The following CROT variants were observed in gnomAD, a reference collection of about 807,000 sequenced individuals.
CROT encodes the protein peroxisomal carnitine O-octanoyltransferase.
A neutral mutation model predicts 89.2 loss-of-function variants in CROT; 84 were observed. The observed-to-expected ratio is 0.94, with a 90% CI of 0.79 to 1.13. The LOEUF (loss-of-function observed/expected upper bound fraction) is 1.13, where lower values mean the gene tolerates loss of function less well. Ranked by LOEUF, CROT falls within the 50% of genes most tolerant of loss-of-function variation. The probability of loss-of-function intolerance (pLI) is 0.00; values close to 1 mark genes in which losing one functional copy is unlikely to be tolerated. For synonymous variants in CROT, 212 were observed against 239.5 expected, an observed-to-expected ratio of 0.89 and a Z score of 1.06; for missense variants, 711 against 727.8, an observed-to-expected ratio of 0.98 and a Z score of 0.27.
Position 87,370,205 on chromosome 7 carries a change from A to G in CROT, c.656+721A>G, listed in dbSNP as rs188301128. On this transcript the variant is annotated intron_variant, in intron 7 of 17. Coordinates refer to ENST00000331536, the MANE Select transcript of CROT (RefSeq NM_021151.4). ...TCTAAAAAATAATTTTTTTTTTGAG[A>G]CAGAGTCTTGCTTTGTGTCCAGGCT... 2.0e-5 allele frequency among the ~76,000 whole-genome samples: 3 copies of G among 152,044 alleles called. No homozygotes were observed. In the East Asian group the frequency reaches 5.8e-4, roughly 29 times the overall value.
chr7:87,385,383 C>A (rs1407018032), intron 13 of CROT, among the ~76,000 whole-genome samples: 2 of 151,834 alleles, frequency 1.3e-5, no homozygotes, highest in Non-Finnish European at 2.9e-5. Flanking sequence ...GTCTTATAGT[C>A]TTCCTTGTAT....
intron 13 of CROT, among the ~76,000 whole-genome samples, chr7:87,390,772 AGGTCAAG>A (rs1807333681): frequency 1.3e-5 from 2 of 152,218 alleles, no homozygotes; most frequent in Non-Finnish European, 2.9e-5. Context: ...GAGGCACTAA[AGGTCAAG>A]GACTCTGTAT....
In CROT at chr7:87,381,892, T is replaced by C. The variant is rs745522031; in HGVS notation, c.979-18T>C. The C allele has an allele frequency of 3.9e-6, 6 of 1,556,218 alleles. No individual in the cohort carries two copies. The Admixed American group carries it at 7.2e-5, about 19-fold the overall frequency. ...GTTGACATAAAGTATTCAGAAATCT[T>C]GTGTGTTCTCATTTTAGCATGCTCC... On this transcript the variant is annotated intron_variant, in intron 10 of 17. Coordinates refer to ENST00000331536, the MANE Select transcript of CROT (RefSeq NM_021151.4).
chr7:87,386,627 C>G (rs1807191087), intron 13 of CROT, among the ~76,000 whole-genome samples: 2 of 152,062 alleles, frequency 1.3e-5, no homozygotes, highest in South Asian at 4.1e-4. Context: ...TGTAAAAGTT[C>G]AGATTGCTTA....
rs191664222 is a variant in CROT, at chr7:87,370,271, A to T, written c.656+787A>T. On this transcript the variant is annotated intron_variant, in intron 7 of 17. Transcript: ENST00000331536. ...AATCTCGGCTCACTGCACCCTCCAC[A>T]TTCCAGGTTCAAGTGATTCTTCTGC... Among the ~76,000 whole-genome samples, 516 of 152,154 alleles carry T rather than the reference A, an allele frequency of 3.4e-3. 5 individuals are homozygous for T. Among genetic ancestry groups the T allele is most frequent in the African/African-American group, 0.012 (480 of 41,528 alleles).
At chr7:87,390,987 G>A (rs1807340016) in intron 13 of CROT, among the ~76,000 whole-genome samples, 1 of 152,188 alleles carries the variant, frequency 6.6e-6, no homozygotes, top group Admixed American at 6.5e-5. Context: ...TTTTCATGAG[G>A]TTGTAGTCAG....
intron 3 of CROT, among the ~76,000 whole-genome samples, chr7:87,349,568 A>C (rs1413187353): frequency 6.6e-6 from 1 of 152,222 alleles, no homozygotes; most frequent in Non-Finnish European, 1.5e-5. Context: ...AATTATGTTA[A>C]TCATCTCAAA....
chr7:87,382,651 A>T, intron 13 of CROT, 108 bp downstream of exon 13: 3 of 1,110,402 alleles, frequency 2.7e-6, no homozygotes, highest in Non-Finnish European at 3.9e-6. Flanking sequence ...CTTTTTTCCC[A>T]GCTGGTACTG....
At chr7:87,381,115 A>G (rs1448930826) in intron 10 of CROT, among the ~76,000 whole-genome samples, 4 of 152,320 alleles carry the variant, frequency 2.6e-5, no homozygotes, top group Non-Finnish European at 1.5e-5. Flanking sequence ...CTGGGCCCAT[A>G]TCTTGATACT....
Position 87,346,411 on chromosome 7 carries a change from T to C in CROT, c.-41T>C, listed in dbSNP as rs1439902341. On this transcript the variant is annotated 5_prime_UTR_variant, in exon 2 of 18. Coordinates refer to ENST00000331536, the MANE Select transcript of CROT (RefSeq NM_021151.4). ...GCAGGCTCCTGGCAGTCTCAAGCAG[T>C]TCATCTTCTTGGTGTACTGGTATGT... The C allele has an allele frequency of 1.3e-5, 2 of 152,218 alleles. No homozygotes were observed. Among genetic ancestry groups the C allele is most frequent in the Non-Finnish European group, 2.9e-5 (2 of 68,032 alleles). 9.4% of individuals were successfully genotyped at this position (152,218 alleles called of 1,614,324 possible). A position where few individuals can be genotyped will look rare whatever the true frequency, so the allele number is the denominator to read the frequency against.
At chr7:87,377,555 T>C in intron 10 of CROT, 105 bp downstream of exon 10, 1 of 657,600 alleles carries the variant, frequency 1.5e-6, no homozygotes, top group South Asian at 2.0e-5. Context: ...AATAGTAATT[T>C]AGTTTTATGG....
Position 87,382,000 on chromosome 7 carries a change from T to G in CROT, c.1062+7T>G. ...GAATGAAGGAAGATGGAAGGTATGT[T>G]TGAATAAATATTTCATCTTTTTTCT... On this transcript the variant is annotated splice_region_variant and intron_variant, in intron 11 of 17. Coordinates refer to ENST00000331536, the MANE Select transcript of CROT (RefSeq NM_021151.4). 6.3e-7 allele frequency: 1 copy of G among 1,596,068 alleles called. No homozygotes were observed. Among genetic ancestry groups the G allele is most frequent in the Middle Eastern group, 1.7e-4 (1 of 5,988 alleles).
chr7:87,369,933 A>G (rs1293000238), intron 7 of CROT, among the ~76,000 whole-genome samples: 1 of 150,898 alleles, frequency 6.6e-6, no homozygotes. Flanking sequence ...AGGGGATTAT[A>G]TAATGATAAC....
chr7:87,382,873 A>G (rs1318232524), intron 13 of CROT, among the ~76,000 whole-genome samples: 1 of 152,208 alleles, frequency 6.6e-6, no homozygotes, highest in African/African-American at 2.4e-5. Flanking sequence ...TTGTGATTTT[A>G]TAAATTATCC....
chr7:87,375,125 C>T (rs909678635), intron 7 of CROT: 1 of 153,212 alleles, frequency 6.5e-6, no homozygotes, highest in African/African-American at 2.4e-5. Flanking sequence ...CAAAGTGGCA[C>T]ATATGAAAAT....
intron 4 of CROT, 128 bp from the exon 5 acceptor site, chr7:87,361,262 C>G (rs1296245271): frequency 7.1e-6 from 7 of 989,064 alleles, no homozygotes; most frequent in Non-Finnish European, 1.0e-5. Flanking sequence ...CTCACCCAGC[C>G]AAAAAACATG....
intron 6 of CROT, among the ~76,000 whole-genome samples, chr7:87,365,456 C>T (rs562192890): frequency 2.3e-4 from 35 of 150,488 alleles, no homozygotes; most frequent in Middle Eastern, 3.2e-3. Flanking sequence ...TGCCACTGCA[C>T]TCCGGCCTGG....
chr7:87,365,952 A>G (rs1806433046), intron 6 of CROT, among the ~76,000 whole-genome samples: 1 of 152,032 alleles, frequency 6.6e-6, no homozygotes, highest in Admixed American at 6.6e-5. Context: ...GACCATTAAG[A>G]CTAATTCAGT....
At chr7:87,378,485 C>T (rs1806882053) in intron 10 of CROT, among the ~76,000 whole-genome samples, 1 of 152,144 alleles carries the variant, frequency 6.6e-6, no homozygotes, top group Admixed American at 6.5e-5. Flanking sequence ...AAGCTGACTT[C>T]AATGTTCAAA....
Sources: allele counts gnomAD v4.1 joint callset (sites outside exome capture counted in the v4.1 genomes callset), GRCh38; gene constraint gnomAD v4.1.1; transcripts MANE v1.5; gene names NCBI Gene and HGNC (gene_info 2026-07-23, HGNC 2026-07-21).